The following TEX22 variants were observed in gnomAD, a reference collection of about 807,000 sequenced individuals.
TEX22 encodes testis expressed 22, also known as testis-expressed protein 22.
In TEX22, 16 loss-of-function variants were observed where a neutral mutation model predicts 11.3. The ratio of observed to expected loss-of-function variants is 1.42; its 90% CI spans 0.96 to 2.15. The LOEUF is 2.15. Among genes scored for constraint, TEX22 ranks in the 30% most tolerant of loss-of-function variants. The pLI, the probability that TEX22 is intolerant of heterozygous loss-of-function variation, is 0.00. For missense variants in TEX22, 220 were observed against 208.6 expected, an observed-to-expected ratio of 1.05 and a Z score of -0.34; for synonymous variants, 97 against 92.3, an observed-to-expected ratio of 1.05 and a Z score of -0.29.
At chr14:105,411,525 C>CCCCGG in intron 3 of TEX22, 29 bp downstream of exon 3, 2 of 1,056,558 alleles carry the variant, frequency 1.9e-6, no homozygotes, top group South Asian at 4.6e-5. Context: ...CTCCCCGCCC[C>CCCCGG]GTCCCCGCCC....
chr14:105,399,588 C>T (rs587755313), intron 2 of TEX22, 98 bp downstream of exon 2: 1 of 1,354,652 alleles, frequency 7.4e-7, no homozygotes, highest in Non-Finnish European at 9.8e-7. Context: ...GATGAGCAGC[C>T]TCAGGGGAGG....
intron 2 of TEX22, among the ~76,000 whole-genome samples, chr14:105,402,477 G>A (rs1055970809): frequency 2.6e-5 from 4 of 152,086 alleles, no homozygotes; most frequent in Admixed American, 2.0e-4. Context: ...GTTATTGGCC[G>A]GGTGTGGTGG....
intron 1 of TEX22, among the ~76,000 whole-genome samples, 171 bp downstream of exon 1, chr14:105,398,806 C>G (rs587616341): frequency 8.7e-4 from 133 of 152,340 alleles, no homozygotes; most frequent in African/African-American, 3.0e-3. Flanking sequence ...CCCCGCCTCC[C>G]CACCGGAGAG....
chr14:105,402,504 C>T (rs587606275), intron 2 of TEX22, among the ~76,000 whole-genome samples: 29 of 152,194 alleles, frequency 1.9e-4, no homozygotes, highest in African/African-American at 6.5e-4. Flanking sequence ...CCTGTAATCC[C>T]AGCACTTTGG....
intron 2 of TEX22, among the ~76,000 whole-genome samples, chr14:105,410,668 C>T (rs2081684737): frequency 6.6e-6 from 1 of 152,254 alleles, no homozygotes; most frequent in Non-Finnish European, 1.5e-5. Context: ...ATGGCACTGC[C>T]TTCTCTCCCC....
At chr14:105,399,916 CAA>C (rs2081616790) in intron 2 of TEX22, among the ~76,000 whole-genome samples, 1 of 152,216 alleles carries the variant, frequency 6.6e-6, no homozygotes, top group Non-Finnish European at 1.5e-5. Context: ...TTGACCAAAA[CAA>C]AATAGTGGGA....
intron 2 of TEX22, among the ~76,000 whole-genome samples, chr14:105,400,149 G>A (rs1390316751): frequency 6.6e-6 from 1 of 152,220 alleles, no homozygotes. Context: ...AGGCTGTGGC[G>A]AGATGGGTGC....
chr14:105,404,834 G>A (rs1555418748), intron 2 of TEX22, among the ~76,000 whole-genome samples: 2 of 152,226 alleles, frequency 1.3e-5, no homozygotes, highest in African/African-American at 4.8e-5. Flanking sequence ...TGAAAGGTCT[G>A]AAATGGATAA....
intron 2 of TEX22, among the ~76,000 whole-genome samples, chr14:105,408,844 A>G (rs981517613): frequency 1.3e-5 from 2 of 151,994 alleles, no homozygotes; most frequent in African/African-American, 2.4e-5. Context: ...CAGAAACCCA[A>G]TTCCACTGTT....
rs138096364 is a variant in TEX22 at position 105,406,514 on chromosome 14, C to A, written c.151-4854C>A. On this transcript the variant is annotated intron_variant, in intron 2 of 3. Coordinates refer to ENST00000451127, the MANE Select transcript of TEX22 (RefSeq NM_001195082.2). ...ATCACTTAAGGCCAGGAGTTCAAGACCAGTCTGGACAGCATAGTGAAACCC... is the reference window on the plus strand; with the variant it reads ...ATCACTTAAGGCCAGGAGTTCAAGAACAGTCTGGACAGCATAGTGAAACCC... Among the ~76,000 whole-genome samples, 874 of 152,144 alleles carry A rather than the reference C, an allele frequency of 5.7e-3. 13 individuals carry two copies. The highest frequency in any genetic ancestry group is 0.02 in the African/African-American group (814 of 41,508).
In TEX22 at chr14:105,399,497, G is replaced by T. The variant is rs369902774; in HGVS notation, c.150+7G>T. 2 of 1,524,260 alleles carry T rather than the reference G, an allele frequency of 1.3e-6. No homozygotes were observed. Among genetic ancestry groups the T allele is most frequent in the Admixed American group, 2.0e-5 (1 of 49,388 alleles). 94.4% of individuals were successfully genotyped at this position (1,524,260 alleles called of 1,614,324 possible). ...ACTGCAGACTCAGGACTGGGTAAGC[G>T]GAAGGAAACCCTGGCCGAGGCTACT... On this transcript the variant is annotated splice_region_variant and intron_variant, in intron 2 of 3. Transcript: ENST00000451127.
At chr14:105,404,030 A>G (rs1488915892) in intron 2 of TEX22, among the ~76,000 whole-genome samples, 1 of 152,206 alleles carries the variant, frequency 6.6e-6, no homozygotes, top group South Asian at 2.1e-4. Flanking sequence ...TAAAACAGTA[A>G]GTATTTTTAT....
intron 2 of TEX22, among the ~76,000 whole-genome samples, chr14:105,411,153 G>A (rs2081687622): frequency 6.6e-6 from 1 of 152,230 alleles, no homozygotes; most frequent in Non-Finnish European, 1.5e-5. Context: ...ACTGGGTTGG[G>A]CGGTGTCCTG....
At chr14:105,399,279 C>CCACCCCCAG in intron 1 of TEX22, 23 bp from the exon 2 acceptor site, 1 of 1,308,120 alleles carries the variant, frequency 7.6e-7, no homozygotes, top group African/African-American at 1.5e-5. Flanking sequence ...CCCCGCCCCA[C>CCACCCCCAG]CTCCCCCTGC....
At chr14:105,399,575 C>G in intron 2 of TEX22, 85 bp downstream of exon 2, 21 of 1,414,070 alleles carry the variant, frequency 1.5e-5, no homozygotes, top group Admixed American at 2.6e-5. Flanking sequence ...CCAGGCTGGT[C>G]GTGATGAGCA....
chr14:105,411,527 TCCCCGCCCCG>T lies in TEX22; in HGVS notation c.279+41_279+50del, dbSNP rs1159153044. The stretch of plus-strand genomic sequence containing the variant: ...CGGGGGGCGGGTCCTCCCCGCCCCG[TCCCCGCCCCG>T]CCCCGCCCCTCCGCCTCGCCTCCCT... On this transcript the variant is annotated intron_variant, in intron 3 of 3. Coordinates refer to ENST00000451127, the MANE Select transcript of TEX22 (RefSeq NM_001195082.2). 27 of 569,430 alleles carry T rather than the reference TCCCCGCCCCG, an allele frequency of 4.7e-5. No individual in the cohort carries two copies. In the South Asian group the frequency reaches 1.0e-3, roughly 22 times the overall value. The allele number at this position is 569,430 out of a possible 1,614,324, so 35.3% of individuals were successfully genotyped here.
intron 2 of TEX22, among the ~76,000 whole-genome samples, chr14:105,401,067 T>C (rs1338370216): frequency 6.6e-6 from 1 of 152,098 alleles, no homozygotes; most frequent in African/African-American, 2.4e-5. Flanking sequence ...CTAGACCAAA[T>C]CCAGGAGCAC....
At position 105,399,365 on chromosome 14, in the gene TEX22, C is replaced by T. The variant is rs914386508; in HGVS notation, c.25C>T (p.Arg9Trp). The T allele has an allele frequency of 2.7e-5, 41 of 1,535,630 alleles. 1 individual carries two copies. The highest frequency in any genetic ancestry group is 1.2e-4 in the Admixed American group (6 of 50,974). ...GATGGACAGCAGGAAACTGTCCCCC[C>T]GGGGGAAGAAGCTGGAGTCGCACCT... MDSRKLSP[R>W]GKKLESHLSQ... The change falls in exon 2 of 4, where the codon CGG (arginine) becomes TGG (tryptophan). Residue 9 changes from arginine to tryptophan, a missense_variant. By Grantham distance (101) the Arg-to-Trp change is moderately radical (BLOSUM62 -3). Transcript: ENST00000451127.
At position 105,410,759 on chromosome 14, in the gene TEX22, C is replaced by T. The variant is rs587615268; in HGVS notation, c.151-609C>T. ...AGTCTGGAGGAACCGTCTCCTGCAGCCCACGTGGGAAGTTCCTTCTTGGGG... is the reference window on the plus strand; with the variant it reads ...AGTCTGGAGGAACCGTCTCCTGCAGTCCACGTGGGAAGTTCCTTCTTGGGG... On this transcript the variant is annotated intron_variant, in intron 2 of 3. Transcript: ENST00000451127. 3.6e-4 allele frequency among the ~76,000 whole-genome samples: 55 copies of T among 152,226 alleles called. 1 individual carries two copies. The South Asian group carries it at 0.011, about 31-fold the overall frequency.
Sources: allele counts gnomAD v4.1 joint callset (sites outside exome capture counted in the v4.1 genomes callset), GRCh38; gene constraint gnomAD v4.1.1; transcripts MANE v1.5; gene names NCBI Gene and HGNC (gene_info 2026-07-23, HGNC 2026-07-21).